WDR43: variants seen among roughly 807,000 people sequenced by gnomAD.
WDR43 encodes WD repeat domain 43, also known as WD repeat-containing protein 43.
A neutral mutation model predicts 91.4 loss-of-function variants in WDR43; 13 were observed. That is an observed-to-expected ratio of 0.14 (90% CI 0.09 to 0.23). The LOEUF (loss-of-function observed/expected upper bound fraction) is 0.23, where lower values mean the gene tolerates loss of function less well. Ranked by LOEUF, WDR43 falls within the 10% of genes least tolerant of loss-of-function variation. WDR43 has a pLI of 1.00. For synonymous variants in WDR43, 331 were observed against 287.9 expected (o/e 1.15, Z -1.51); for missense variants, 780 against 809.4 (o/e 0.96, Z 0.44).
intron 5 of WDR43, 83 bp downstream of exon 5, chr2:28,914,291 G>A: frequency 1.4e-6 from 2 of 1,417,056 alleles, no homozygotes. Context: ...ATGAATATGG[G>A]ACTTTATTTG....
chr2:28,902,139 A>C lies in WDR43; in HGVS notation c.363+15A>C. The stretch of plus-strand genomic sequence containing the variant: ...GTAAATTAATAGTAAGTGTGTGTAT[A>C]TTTTATTTAAAAGTGATGTGACAGG... On this transcript the variant is annotated intron_variant, in intron 2 of 17. Coordinates refer to ENST00000407426, the MANE Select transcript of WDR43 (RefSeq NM_015131.3). 1 of 1,535,900 alleles carries C rather than the reference A, an allele frequency of 6.5e-7. No homozygotes were observed.
intron 14 of WDR43, among the ~76,000 whole-genome samples, chr2:28,940,194 G>A (rs1313257489): frequency 6.6e-6 from 1 of 151,356 alleles, no homozygotes; most frequent in Non-Finnish European, 1.5e-5. Context: ...TATCACGGGG[G>A]TAGGGGGTGA....
chr2:28,928,766 C>T lies in WDR43; in HGVS notation c.1306-813C>T, dbSNP rs182776397. ...GTTTGATCTTGGCTCACTGCAACCT[C>T]CACCTCCTGGGCTCAAGTGATCCTC... On this transcript the variant is annotated intron_variant, in intron 10 of 17. Transcript: ENST00000407426. 2.6e-5 allele frequency among the ~76,000 whole-genome samples: 4 copies of T among 152,280 alleles called. No individual in the cohort carries two copies. In the East Asian group the frequency reaches 7.7e-4, roughly 29 times the overall value.
At chr2:28,899,847 C>G (rs2148177216) in intron 1 of WDR43, among the ~76,000 whole-genome samples, 1 of 152,216 alleles carries the variant, frequency 6.6e-6, no homozygotes, top group Non-Finnish European at 1.5e-5. Flanking sequence ...TAAATGAGTC[C>G]TGAGTTCTTT....
At chr2:28,922,352 T>TA (rs1671046209) in intron 6 of WDR43, among the ~76,000 whole-genome samples, 2 of 152,312 alleles carry the variant, frequency 1.3e-5, no homozygotes, top group Admixed American at 6.5e-5. Context: ...TCCAGAACTT[T>TA]AAAAAATGAG....
intron 6 of WDR43, among the ~76,000 whole-genome samples, chr2:28,918,808 C>T (rs1670965683): frequency 6.6e-6 from 1 of 152,174 alleles, no homozygotes; most frequent in Non-Finnish European, 1.5e-5. Flanking sequence ...TTCTGTTTAA[C>T]TGAAGCTTTG....
chr2:28,897,526 G>A (rs770976872), intron 1 of WDR43, among the ~76,000 whole-genome samples: 104 of 152,170 alleles, frequency 6.8e-4, no homozygotes, highest in Non-Finnish European at 1.3e-3. Context: ...TGTGACTGGT[G>A]TAGTATGGCC....
intron 6 of WDR43, among the ~76,000 whole-genome samples, chr2:28,922,375 T>A (rs1242259917): frequency 6.6e-6 from 1 of 152,174 alleles, no homozygotes; most frequent in African/African-American, 2.4e-5. Context: ...TTAGAGAGGC[T>A]GACAGCAAGA....
At position 28,941,557 on chromosome 2, in the gene WDR43, ATTC is replaced by A. The variant is rs1264002274; in HGVS notation, c.1722_1724del (p.Leu575del). ...ACTTTCACACCTTCATGGAAAGCTT[ATTC>A]TTCTAATTACACAAGTGAGTAAATC... is the stretch of plus-strand genomic sequence containing the variant. On this transcript the variant is annotated inframe_deletion, in exon 15 of 18. Coordinates refer to ENST00000407426, the MANE Select transcript of WDR43 (RefSeq NM_015131.3). The A allele has an allele frequency of 4.3e-6, 7 of 1,611,034 alleles. No homozygotes were observed. Among genetic ancestry groups the A allele is most frequent in the South Asian group, 1.1e-5 (1 of 90,392 alleles).
chr2:28,940,934 T>A (rs948240895), intron 14 of WDR43, among the ~76,000 whole-genome samples: 2 of 152,220 alleles, frequency 1.3e-5, no homozygotes, highest in Non-Finnish European at 2.9e-5. Context: ...TAAATATGTT[T>A]CAGAGGACTC....
chr2:28,928,107 A>G (rs1279097136), intron 10 of WDR43: 3 of 176,384 alleles, frequency 1.7e-5, no homozygotes, highest in African/African-American at 7.1e-5. Context: ...GATAGTCATT[A>G]TAACTGCCTA....
intron 6 of WDR43, among the ~76,000 whole-genome samples, chr2:28,919,028 G>A (rs996100660): frequency 1.3e-5 from 2 of 152,180 alleles, no homozygotes; most frequent in Admixed American, 6.5e-5. Flanking sequence ...CTGGCTGGGT[G>A]TGGTGGATAA....
At chr2:28,920,211 AT>A (rs778610482) in intron 6 of WDR43, among the ~76,000 whole-genome samples, 3 of 132,030 alleles carry the variant, frequency 2.3e-5, no homozygotes, top group South Asian at 2.4e-4. Flanking sequence ...ATAAAAATAA[AT>A]TTTTTTTCTT....
At chr2:28,907,041 T>C (rs1302344972) in intron 3 of WDR43, among the ~76,000 whole-genome samples, 1 of 152,156 alleles carries the variant, frequency 6.6e-6, no homozygotes, top group Non-Finnish European at 1.5e-5. Flanking sequence ...TACTAGGGGA[T>C]AATGGATGGC....
intron 11 of WDR43, among the ~76,000 whole-genome samples, chr2:28,934,788 A>C (rs974352581): frequency 3.3e-5 from 5 of 152,126 alleles, no homozygotes; most frequent in Non-Finnish European, 5.9e-5. Flanking sequence ...TGCTGTTTCT[A>C]TTCTGAGCAT....
intron 3 of WDR43, among the ~76,000 whole-genome samples, chr2:28,911,921 G>A (rs926795089): frequency 2.6e-5 from 4 of 152,144 alleles, no homozygotes; most frequent in African/African-American, 9.7e-5. Flanking sequence ...ACCATGCCCT[G>A]CCCCTGCTGT....
Position 28,902,106 on chromosome 2 carries a change from G to A in WDR43, c.345G>A (p.Glu115=), listed in dbSNP as rs1314448113. 6.4e-7 allele frequency: 1 copy of A among 1,573,602 alleles called. No homozygotes were observed. Among genetic ancestry groups the A allele is most frequent in the Non-Finnish European group, 8.6e-7 (1 of 1,160,918 alleles). ...TATTATACAGCACAGTAAAAGGAGA[G>A]TTACACAGTAAATTAATAGTAAGTG... The part of the protein sequence containing the change: ...SILLYSTVKG[E]LHSKLISGGH... The change falls in exon 2 of 18, where the codon GAG becomes GAA. Residue 115 remains glutamate, a synonymous_variant. Transcript: ENST00000407426.
intron 6 of WDR43, among the ~76,000 whole-genome samples, chr2:28,918,906 T>A (rs539349365): frequency 2.6e-5 from 4 of 152,286 alleles, no homozygotes; most frequent in Admixed American, 6.5e-5. Flanking sequence ...AAATGCATAT[T>A]TTGCATTAAC....
chr2:28,942,420 A>G (rs754290870), intron 16 of WDR43, 39 bp downstream of exon 16: 1 of 1,594,038 alleles, frequency 6.3e-7, no homozygotes, highest in East Asian at 2.2e-5. Context: ...TAGAATTATA[A>G]CATTCAGTTT....
Sources: allele counts gnomAD v4.1 joint callset (sites outside exome capture counted in the v4.1 genomes callset), GRCh38; gene constraint gnomAD v4.1.1; transcripts MANE v1.5; gene names NCBI Gene and HGNC (gene_info 2026-07-23, HGNC 2026-07-21).